DNAH6: variants seen among roughly 807,000 people sequenced by gnomAD.
DNAH6 encodes dynein axonemal heavy chain 6.
DNAH6 carries 340 observed loss-of-function variants against 491.4 expected under a neutral mutation model. The observed-to-expected ratio is 0.69, with a 90% CI of 0.63 to 0.76. DNAH6 has a LOEUF of 0.76. DNAH6 is among the 30% of genes least tolerant of loss of function. The pLI, the probability that DNAH6 is intolerant of heterozygous loss-of-function variation, is 0.00. For missense variants in DNAH6, 4,443 were observed against 4,972.2 expected (o/e 0.89, Z 3.20); for synonymous variants, 1,603 against 1,686.1 (o/e 0.95, Z 1.21).
At chr2:84,784,841 A>G in intron 66 of DNAH6, 31 bp downstream of exon 66, 1 of 1,450,066 alleles carries the variant, frequency 6.9e-7, no homozygotes. Flanking sequence ...GAACAATGTG[A>G]AATGGTTGGT....
At chr2:84,691,336 A>G (rs1348187475) in intron 45 of DNAH6, among the ~76,000 whole-genome samples, 3 of 152,272 alleles carry the variant, frequency 2.0e-5, no homozygotes, top group Non-Finnish European at 4.4e-5. Flanking sequence ...TCAATATTTC[A>G]TCAACTGTAG....
chr2:84,482,136 G>A, the DNAH6 span, among the ~76,000 whole-genome samples: 1 of 152,276 alleles, frequency 6.6e-6, no homozygotes, highest in African/African-American at 2.4e-5. Flanking sequence ...ACAGACATAT[G>A]CAAACACCTT....
At chr2:84,478,600 C>G in the DNAH6 span, among the ~76,000 whole-genome samples, 1 of 152,120 alleles carries the variant, frequency 6.6e-6, no homozygotes. Flanking sequence ...ATATTTGAGC[C>G]CTATTGCAGA....
intron 11 of DNAH6, among the ~76,000 whole-genome samples, chr2:84,570,316 A>T (rs1376944630): frequency 1.3e-5 from 2 of 152,182 alleles, no homozygotes; most frequent in East Asian, 3.9e-4. Flanking sequence ...GAGGATTGTA[A>T]ATGCCCCAAT....
intron 11 of DNAH6, among the ~76,000 whole-genome samples, chr2:84,572,256 T>C (rs1001815230): frequency 1.3e-5 from 2 of 152,236 alleles, no homozygotes; most frequent in Non-Finnish European, 2.9e-5. Context: ...GACAGACTTA[T>C]AAAGTAAATA....
chr2:84,750,987 A>G (rs1010060864), intron 63 of DNAH6: 4 of 152,258 alleles, frequency 2.6e-5, no homozygotes, highest in African/African-American at 7.2e-5. Flanking sequence ...CACCCATTCC[A>G]GAGAACACAG....
intron 69 of DNAH6, among the ~76,000 whole-genome samples, chr2:84,796,901 A>G (rs976532384): frequency 6.6e-6 from 1 of 152,172 alleles, no homozygotes; most frequent in African/African-American, 2.4e-5. Flanking sequence ...GAAAATGTCT[A>G]TTACAGCAAG....
intron 11 of DNAH6, among the ~76,000 whole-genome samples, chr2:84,571,211 A>G (rs1245952012): frequency 6.6e-6 from 1 of 152,230 alleles, no homozygotes; most frequent in African/African-American, 2.4e-5. Flanking sequence ...GAAAGAAAAC[A>G]CAATTAGAAA....
the DNAH6 span, among the ~76,000 whole-genome samples, chr2:84,481,529 C>A: frequency 6.6e-6 from 1 of 152,184 alleles, no homozygotes; most frequent in Non-Finnish European, 1.5e-5. Context: ...TCTGCTTCAG[C>A]AGAGATCACA....
the DNAH6 span, among the ~76,000 whole-genome samples, chr2:84,482,616 C>A: frequency 6.6e-6 from 1 of 152,242 alleles, no homozygotes; most frequent in Admixed American, 6.5e-5. Flanking sequence ...TCATGACAGG[C>A]AACAACCCCA....
At chr2:84,776,265 T>C (rs1372277112) in intron 64 of DNAH6, among the ~76,000 whole-genome samples, 1 of 152,182 alleles carries the variant, frequency 6.6e-6, no homozygotes, top group African/African-American at 2.4e-5. Context: ...TCCATCTGGC[T>C]CAAGGGGCAA....
intron 68 of DNAH6, among the ~76,000 whole-genome samples, chr2:84,790,961 G>T (rs1451683774): frequency 6.6e-6 from 1 of 152,174 alleles, no homozygotes; most frequent in Non-Finnish European, 1.5e-5. Flanking sequence ...GGAGGCCCAG[G>T]TGGGCGAATC....
At chr2:84,580,636 A>T (rs1682926341) in intron 14 of DNAH6, among the ~76,000 whole-genome samples, 1 of 152,208 alleles carries the variant, frequency 6.6e-6, no homozygotes, top group Admixed American at 6.5e-5. Flanking sequence ...CATTTCAAGA[A>T]ATCGTGCCTT....
At chr2:84,460,292 G>A in the DNAH6 span, among the ~76,000 whole-genome samples, 1 of 152,154 alleles carries the variant, frequency 6.6e-6, no homozygotes, top group South Asian at 2.1e-4. Flanking sequence ...TAACAGGTTG[G>A]ACTTCACTGC....
intron 61 of DNAH6, among the ~76,000 whole-genome samples, chr2:84,728,736 G>T (rs970213095): frequency 6.6e-6 from 1 of 151,992 alleles, no homozygotes; most frequent in Non-Finnish European, 1.5e-5. Context: ...ACTGTAATAC[G>T]AGTTCTGCTA....
At chr2:84,750,561 G>A (rs372172062) in intron 63 of DNAH6, among the ~76,000 whole-genome samples, 43 of 152,188 alleles carry the variant, frequency 2.8e-4, no homozygotes, top group African/African-American at 6.0e-4. Flanking sequence ...ATCATATGAC[G>A]CCTTAGATTT....
chr2:84,662,773 G>A (rs1260862641), intron 37 of DNAH6, among the ~76,000 whole-genome samples: 1 of 152,228 alleles, frequency 6.6e-6, no homozygotes, highest in Non-Finnish European at 1.5e-5. Context: ...CCAGCATGGA[G>A]TTTTGAGATC....
the DNAH6 span, among the ~76,000 whole-genome samples, chr2:84,505,024 A>C: frequency 6.6e-6 from 1 of 152,174 alleles, no homozygotes; most frequent in Non-Finnish European, 1.5e-5. Flanking sequence ...TAGGTCTTAA[A>C]TTTCTTTCAG....
At chr2:84,671,096 T>C (rs1223276336) in intron 39 of DNAH6, among the ~76,000 whole-genome samples, 1 of 152,074 alleles carries the variant, frequency 6.6e-6, no homozygotes, top group Admixed American at 6.6e-5. Flanking sequence ...CCACCCTCCC[T>C]GTAGGAGGCT....
Sources: allele counts gnomAD v4.1 joint callset (sites outside exome capture counted in the v4.1 genomes callset), GRCh38; gene constraint gnomAD v4.1.1; transcripts MANE v1.5; gene names NCBI Gene and HGNC (gene_info 2026-07-23, HGNC 2026-07-21).